The following SRPK2 variants were observed in gnomAD, a reference collection of about 807,000 sequenced individuals.
SRPK2 encodes SFRS protein kinase 2.
A neutral mutation model predicts 90.8 loss-of-function variants in SRPK2; 21 were observed. The observed-to-expected ratio is 0.23, with a 90% CI of 0.16 to 0.33. The LOEUF is 0.33. Among genes scored for constraint, SRPK2 ranks in the 10% least tolerant of loss-of-function variants. The pLI, the probability that SRPK2 is intolerant of heterozygous loss-of-function variation, is 1.00. For missense variants in SRPK2, 620 were observed against 869.0 expected (o/e 0.71, Z 3.60); for synonymous variants, 288 against 311.1 (o/e 0.93, Z 0.78).
intron 8 of SRPK2, 70 bp downstream of exon 8, chr7:105,146,423 C>G: frequency 6.5e-7 from 1 of 1,529,510 alleles, no homozygotes. Context: ...ATTCAGATAC[C>G]TTCAACAACT....
rs539903100 is a variant in SRPK2 at position 105,194,936 on chromosome 7, C to T, written c.229+8692G>A. ...CTGAATAGGTGGGGGAACAAGTCTT[C>T]TCGATAAATGGTGCTGCAGCAACAA... On this transcript the variant is annotated intron_variant, in intron 3 of 15. Transcript: ENST00000393651. 9.2e-5 allele frequency among the ~76,000 whole-genome samples: 14 copies of T among 152,264 alleles called. No individual in the cohort carries two copies. The South Asian group carries it at 2.9e-3, about 32-fold the overall frequency.
At chr7:105,341,238 C>CCTATA (rs1815738134) in intron 2 of SRPK2, among the ~76,000 whole-genome samples, 1 of 151,666 alleles carries the variant, frequency 6.6e-6, no homozygotes, top group Admixed American at 6.6e-5. Context: ...ATGGCGCAGG[C>CCTATA]CTATAATCCC....
chr7:105,139,640 C>T (rs1443740382), intron 11 of SRPK2, among the ~76,000 whole-genome samples: 1 of 152,214 alleles, frequency 6.6e-6, no homozygotes, highest in Admixed American at 6.5e-5. Flanking sequence ...TGGTAACAAG[C>T]AGCAATTCTG....
intron 3 of SRPK2, among the ~76,000 whole-genome samples, chr7:105,179,833 A>C (rs1369118409): frequency 1.3e-5 from 2 of 150,620 alleles, no homozygotes; most frequent in African/African-American, 4.9e-5. Flanking sequence ...TCAAAAAAAA[A>C]AAAAAAAAAA....
At chr7:105,275,289 TGC>T (rs1228390491) in intron 2 of SRPK2, among the ~76,000 whole-genome samples, 1 of 152,226 alleles carries the variant, frequency 6.6e-6, no homozygotes, top group African/African-American at 2.4e-5. Context: ...GCTTTTAAAA[TGC>T]TATTTTCTTT....
At chr7:105,232,458 T>TAAAAAA (rs10533429) in intron 2 of SRPK2, among the ~76,000 whole-genome samples, 4 of 132,092 alleles carry the variant, frequency 3.0e-5, no homozygotes, top group East Asian at 5.8e-4. Context: ...AAACCTTATC[T>TAAAAAA]AAAAAAAAAA....
intron 2 of SRPK2, among the ~76,000 whole-genome samples, chr7:105,239,225 T>C (rs1347963763): frequency 1.3e-5 from 2 of 152,224 alleles, no homozygotes; most frequent in Non-Finnish European, 2.9e-5. Flanking sequence ...AATCAGTTGT[T>C]AAAAAGGGCA....
At chr7:105,204,815 T>G (rs771952790) in intron 2 of SRPK2, 92 of 508,424 alleles carry the variant, frequency 1.8e-4, no homozygotes, top group Admixed American at 7.2e-5. Context: ...CGCCCTATTT[T>G]AAGGGTATAG....
At chr7:105,211,841 A>G (rs1219044023) in intron 2 of SRPK2, among the ~76,000 whole-genome samples, 2 of 152,258 alleles carry the variant, frequency 1.3e-5, no homozygotes, top group African/African-American at 4.8e-5. Context: ...TCTAGAACGT[A>G]GTACACAGCC....
chr7:105,357,816 G>A (rs1038940598), intron 2 of SRPK2, among the ~76,000 whole-genome samples: 1 of 151,928 alleles, frequency 6.6e-6, no homozygotes, highest in Non-Finnish European at 1.5e-5. Context: ...TTGGAGAAAT[G>A]GGAACTATCA....
In SRPK2 at chr7:105,116,933, C is replaced by T. The variant is rs200517662; in HGVS notation, c.*905G>A. On this transcript the variant is annotated 3_prime_UTR_variant, in exon 16 of 16. Transcript: ENST00000393651. ...AATATATGTATTTTTTCATTCCACACAATTAACACGTTTCTCCAATTTAAT... is the reference window on the plus strand; with the variant it reads ...AATATATGTATTTTTTCATTCCACATAATTAACACGTTTCTCCAATTTAAT... 1 of 152,136 alleles carries T rather than the reference C, an allele frequency of 6.6e-6. No individual in the cohort carries two copies. Among genetic ancestry groups the T allele is most frequent in the East Asian group, 1.9e-4 (1 of 5,200 alleles). 9.4% of individuals were successfully genotyped at this position (152,136 alleles called of 1,614,324 possible).
Position 105,342,839 on chromosome 7 carries a change from G to C in SRPK2, c.71+45809C>G, listed in dbSNP as rs574950975. Among the ~76,000 whole-genome samples, 27 of 152,214 alleles carry C rather than the reference G, an allele frequency of 1.8e-4. No individual in the cohort carries two copies. The South Asian group carries it at 4.6e-3, about 26-fold the overall frequency. ...AAATAAACAAGAAGAGGAAAGGAGG[G>C]ACAATAAAATGGAATATATAAAAGT... is the stretch of plus-strand genomic sequence containing the variant. On this transcript the variant is annotated intron_variant, in intron 2 of 15. Transcript: ENST00000393651.
chr7:105,301,624 A>G (rs1810566918), intron 2 of SRPK2: 1 of 1,609,572 alleles, frequency 6.2e-7, no homozygotes, highest in Admixed American at 1.7e-5. Context: ...TCAATATAGG[A>G]TAGGTGAAAA....
In SRPK2 at chr7:105,330,156, G is replaced by A. The variant is rs1468250287; in HGVS notation, c.71+58492C>T. Among the ~76,000 whole-genome samples, 5 of 152,032 alleles carry A rather than the reference G, an allele frequency of 3.3e-5. No homozygotes were observed. In the South Asian group the frequency reaches 6.2e-4, roughly 19 times the overall value. On this transcript the variant is annotated intron_variant, in intron 2 of 15. Coordinates refer to ENST00000393651, the MANE Select transcript of SRPK2 (RefSeq NM_182692.3). ...AGATTGAGACCATCCTGGCTAACAC[G>A]GTGAAACCCCATCTCTACTAAAAAT...
chr7:105,160,435 G>T, intron 7 of SRPK2, 72 bp downstream of exon 7: 3 of 821,850 alleles, frequency 3.7e-6, no homozygotes, highest in Non-Finnish European at 6.3e-6. Flanking sequence ...ATACATATTT[G>T]TAAACAGCAT....
At chr7:105,201,694 T>G (rs1795580483) in intron 3 of SRPK2, among the ~76,000 whole-genome samples, 1 of 150,834 alleles carries the variant, frequency 6.6e-6, no homozygotes, top group African/African-American at 2.4e-5. Context: ...CAGTTCCAAC[T>G]GCTCAGGAGG....
Position 105,370,028 on chromosome 7 carries a change from A to AAAC in SRPK2, c.71+18617_71+18619dup, listed in dbSNP as rs10694399. ...GGCAACAAGAGCAAGACTCCATCTCAAACAACAACAACAACAACAACAAAA... is the reference window on the plus strand; with the variant it reads ...GGCAACAAGAGCAAGACTCCATCTCAAACAACAACAACAACAACAACAACAAAA... On this transcript the variant is annotated intron_variant, in intron 2 of 15. Transcript: ENST00000393651. 1.2e-3 allele frequency among the ~76,000 whole-genome samples: 178 copies of AAAC among 150,254 alleles called. 1 individual carries two copies. Among genetic ancestry groups the AAAC allele is most frequent in the African/African-American group, 2.0e-3 (81 of 40,802 alleles).
chr7:105,114,903 A>G (rs1799541232), downstream of SRPK2, among the ~76,000 whole-genome samples: 1 of 152,236 alleles, frequency 6.6e-6, no homozygotes, highest in Non-Finnish European at 1.5e-5. Context: ...AATTCTATTT[A>G]TGGTATTTAG....
intron 2 of SRPK2, among the ~76,000 whole-genome samples, chr7:105,295,668 T>C (rs1049908415): frequency 6.6e-6 from 1 of 152,170 alleles, no homozygotes; most frequent in African/African-American, 2.4e-5. Context: ...CTGTTTGAAA[T>C]GAAAAATTTC....
Sources: gnomAD v4.1 joint callset for allele counts (sites outside exome capture counted in the v4.1 genomes callset) on GRCh38, gnomAD v4.1.1 for gene constraint, MANE v1.5 for transcripts, NCBI Gene and HGNC (gene_info 2026-07-23, HGNC 2026-07-21) for gene names.